ESRRG: variants seen among roughly 807,000 people sequenced by gnomAD.
ESRRG encodes estrogen related receptor gamma.
ESRRG carries 13 observed loss-of-function variants against 44.0 expected under a neutral mutation model. That is an observed-to-expected ratio of 0.30 (90% CI 0.19 to 0.47). The LOEUF is 0.47. Among genes scored for constraint, ESRRG ranks in the 20% least tolerant of loss-of-function variants. The pLI, the probability that ESRRG is intolerant of heterozygous loss-of-function variation, is 1.00. For missense variants in ESRRG, 395 were observed against 580.6 expected (o/e 0.68, Z 3.29); for synonymous variants, 215 against 214.6 (o/e 1.00, Z -0.02).
At chr1:217,000,343 G>C (rs1037786087) in intron 1 of ESRRG, 3 of 152,192 alleles carry the variant, frequency 2.0e-5, no homozygotes, top group African/African-American at 7.2e-5. Flanking sequence ...ATGAATCTGT[G>C]CTAGCTTTTA....
chr1:216,849,793 A>G (rs755212975), intron 2 of ESRRG, among the ~76,000 whole-genome samples: 13 of 152,146 alleles, frequency 8.5e-5, no homozygotes, highest in Non-Finnish European at 1.6e-4. Flanking sequence ...GATTCCTTTG[A>G]AGTAGCTTAT....
intron 3 of ESRRG, among the ~76,000 whole-genome samples, chr1:216,631,044 G>C (rs191400835): frequency 6.6e-6 from 1 of 150,434 alleles, no homozygotes; most frequent in East Asian, 2.0e-4. Context: ...CACATTTTCT[G>C]TTCTAGGAAG....
intron 2 of ESRRG, among the ~76,000 whole-genome samples, chr1:216,788,861 T>C (rs2094217547): frequency 6.6e-6 from 1 of 152,126 alleles, no homozygotes; most frequent in South Asian, 2.1e-4. Flanking sequence ...CATGAATGAC[T>C]TTAAGGAATT....
chr1:217,130,595 T>C (rs1477935674), intron 1 of ESRRG, among the ~76,000 whole-genome samples: 1 of 152,166 alleles, frequency 6.6e-6, no homozygotes, highest in Non-Finnish European at 1.5e-5. Flanking sequence ...GTCAATAGTT[T>C]AGCTAATTTG....
Position 216,535,391 on chromosome 1 carries a change from C to T in ESRRG, c.863-15970G>A, listed in dbSNP as rs575459125. On this transcript the variant is annotated intron_variant, in intron 5 of 6. Transcript: ENST00000408911. ...AGGGAAAACATGAATCCAAAACAAG[C>T]CTTTCCTGCATGAATGGACAGTCTT... Among the ~76,000 whole-genome samples, 218 of 152,168 alleles carry T rather than the reference C, an allele frequency of 1.4e-3. 1 individual carries two copies. Among genetic ancestry groups the T allele is most frequent in the African/African-American group, 5.0e-3 (206 of 41,526 alleles).
In ESRRG at chr1:217,045,257, CAA is replaced by C. The variant is rs571427407; in HGVS notation, c.-106+44248_-106+44249del. 7.3e-5 allele frequency among the ~76,000 whole-genome samples: 11 copies of C among 150,900 alleles called. 2 individuals are homozygous for C. The highest frequency in any genetic ancestry group is 1.7e-4 in the African/African-American group (7 of 41,220). ...GATTCTCATCAACCCCTAAAAGCAG[CAA>C]AAAAAAATTAACCCTTGCGGGATTG... On this transcript the variant is annotated intron_variant, in intron 1 of 7. Transcript: ENST00000359162.
chr1:216,562,936 G>C (rs949759733), intron 5 of ESRRG, among the ~76,000 whole-genome samples: 3 of 152,048 alleles, frequency 2.0e-5, no homozygotes, highest in African/African-American at 7.2e-5. Context: ...ACATCTTGCA[G>C]TAAATCCTTT....
chr1:216,653,074 G>A (rs2069413859), intron 2 of ESRRG, among the ~76,000 whole-genome samples: 1 of 152,178 alleles, frequency 6.6e-6, no homozygotes, highest in South Asian at 2.1e-4. Context: ...CAAGGCATGA[G>A]TGCTAGTCCT....
intron 5 of ESRRG, among the ~76,000 whole-genome samples, chr1:216,545,130 T>G (rs1437034646): frequency 1.3e-5 from 2 of 150,508 alleles, no homozygotes; most frequent in Non-Finnish European, 3.0e-5. Flanking sequence ...AGCTTACTCA[T>G]CCTCCAGGGT....
intron 2 of ESRRG, among the ~76,000 whole-genome samples, chr1:216,750,760 CTT>C (rs34458849): frequency 6.6e-6 from 1 of 151,072 alleles, no homozygotes; most frequent in Non-Finnish European, 1.5e-5. Context: ...AGTTATTTAC[CTT>C]TTTTTAAAAA....
intron 1 of ESRRG, among the ~76,000 whole-genome samples, chr1:216,678,213 C>T (rs991528734): frequency 1.3e-5 from 2 of 152,102 alleles, no homozygotes; most frequent in East Asian, 3.8e-4. Context: ...AAAGATTATT[C>T]CTAGAGCCTG....
intron 5 of ESRRG, among the ~76,000 whole-genome samples, chr1:216,534,196 C>G (rs1471388248): frequency 6.6e-6 from 1 of 152,166 alleles, no homozygotes; most frequent in African/African-American, 2.4e-5. Flanking sequence ...GCTTCTCGCT[C>G]ATTCACTCCA....
chr1:217,130,777 G>A (rs2092953905), intron 1 of ESRRG, among the ~76,000 whole-genome samples: 1 of 152,132 alleles, frequency 6.6e-6, no homozygotes, highest in Non-Finnish European at 1.5e-5. Flanking sequence ...TGAATCAGAA[G>A]CAATGATGTA....
intron 1 of ESRRG, among the ~76,000 whole-genome samples, chr1:217,122,772 G>A (rs149377902): frequency 0.084 from 12,552 of 149,072 alleles, 628 homozygotes; most frequent in Non-Finnish European, 0.12. Context: ...CTGAGTTCAA[G>A]TGATTCTCCC....
At chr1:216,730,495 C>G (rs1340138988) in intron 2 of ESRRG, among the ~76,000 whole-genome samples, 1 of 152,038 alleles carries the variant, frequency 6.6e-6, no homozygotes, top group East Asian at 1.9e-4. Flanking sequence ...ACACCTTTCC[C>G]TACTCTAAAC....
chr1:216,815,980 AGCCT>A (rs1203639310), intron 2 of ESRRG, among the ~76,000 whole-genome samples: 1 of 152,200 alleles, frequency 6.6e-6, no homozygotes, highest in Non-Finnish European at 1.5e-5. Context: ...GATTGCTGGC[AGCCT>A]GGATACCAAA....
At chr1:217,119,095 A>G (rs991718042) in intron 1 of ESRRG, among the ~76,000 whole-genome samples, 8 of 152,222 alleles carry the variant, frequency 5.3e-5, no homozygotes, top group African/African-American at 1.9e-4. Context: ...AGAAAACAAT[A>G]AAGAATGATG....
chr1:216,682,617 T>C (rs1274907614), intron 1 of ESRRG, among the ~76,000 whole-genome samples: 1 of 152,074 alleles, frequency 6.6e-6, no homozygotes, highest in East Asian at 1.9e-4. Context: ...AATGAATCTA[T>C]GGGGACTGGT....
intron 2 of ESRRG, among the ~76,000 whole-genome samples, chr1:216,668,256 A>G (rs1478878993): frequency 3.4e-5 from 5 of 145,892 alleles, no homozygotes; most frequent in Non-Finnish European, 7.6e-5. Flanking sequence ...TTGTTTGCCT[A>G]ATCTGACATG....
Sources: allele counts gnomAD v4.1 joint callset (sites outside exome capture counted in the v4.1 genomes callset), GRCh38; gene constraint gnomAD v4.1.1; transcripts MANE v1.5; gene names NCBI Gene and HGNC (gene_info 2026-07-23, HGNC 2026-07-21).